ESPN: variants seen among roughly 807,000 people sequenced by gnomAD.
ESPN encodes the protein espin.
A neutral mutation model predicts 77.7 loss-of-function variants in ESPN; 68 were observed. The ratio of observed to expected loss-of-function variants is 0.87; its 90% CI spans 0.72 to 1.07. The LOEUF is 1.07. Ranked by LOEUF, ESPN falls within the 50% of genes least tolerant of loss-of-function variation. ESPN has a pLI of 0.00. For synonymous variants in ESPN, 449 were observed against 567.1 expected (o/e 0.79, Z 2.96); for missense variants, 1,060 against 1,239.0 (o/e 0.86, Z 2.17).
chr1:6,425,020 A>G lies in ESPN; in HGVS notation c.65A>G (p.His22Arg). ...GAGCTGGACGTGCTGAGGTCGCTGCACGCCGCAGGCCTCCTGGGGCCCTCG... is the reference window on the plus strand; with the variant it reads ...GAGCTGGACGTGCTGAGGTCGCTGCGCGCCGCAGGCCTCCTGGGGCCCTCG... Reference protein sequence around the residue: ...QGELDVLRSLHAAGLLGPSLR... With the variant: ...QGELDVLRSLRAAGLLGPSLR... Residue 22 changes from histidine (H) to arginine (R), a missense_variant, in exon 1 of 13, where the codon CAC becomes CGC. This residue lies in a region of ESPN where 556 missense variants were observed against 633.6 expected (regional missense o/e 0.88). Transcript: ENST00000645284. The G allele has an allele frequency of 2.0e-6, 3 of 1,468,986 alleles. No homozygotes were observed. The highest frequency in any genetic ancestry group is 2.7e-6 in the Non-Finnish European group (3 of 1,116,642). 91.0% of individuals were successfully genotyped at this position (1,468,986 alleles called of 1,614,324 possible). A position where few individuals can be genotyped will look rare whatever the true frequency, so the allele number is the denominator to read the frequency against.
chr1:6,439,454 A>T (rs1202292906), intron 2 of ESPN, among the ~76,000 whole-genome samples: 1 of 152,208 alleles, frequency 6.6e-6, no homozygotes, highest in African/African-American at 2.4e-5. Flanking sequence ...AAAATCAGTT[A>T]TGGTCAACCA....
chr1:6,459,102 A>C (rs546228277), intron 12 of ESPN, among the ~76,000 whole-genome samples: 1 of 151,020 alleles, frequency 6.6e-6, no homozygotes, highest in African/African-American at 2.4e-5. Context: ...TTAGCTGGGC[A>C]TGGTGGCACG....
chr1:6,428,910 C>T lies in ESPN; in HGVS notation c.488+491C>T, dbSNP rs1643139432. On this transcript the variant is annotated intron_variant, in intron 2 of 12. Coordinates refer to ENST00000645284, the MANE Select transcript of ESPN (RefSeq NM_031475.3). The surrounding 1 kb of genome is among the most constrained non-coding windows in gnomAD (Gnocchi z 5.4). ...AGGCCCCTCCCAGACCCCCACCCCA[C>T]CTCCTGGCCCCAGAGCCCCTGGCTG... 6.6e-6 allele frequency among the ~76,000 whole-genome samples: 1 copy of T among 152,192 alleles called. No homozygotes were observed. The highest frequency in any genetic ancestry group is 6.5e-5 in the Admixed American group (1 of 15,294).
rs1308344949 is a variant in ESPN, at chr1:6,425,056, C to T, written c.101C>T (p.Pro34Leu). 3.1e-5 allele frequency: 45 copies of T among 1,471,006 alleles called. No individual in the cohort carries two copies. The highest frequency in any genetic ancestry group is 4.0e-5 in the Non-Finnish European group (45 of 1,118,564). 91.1% of individuals were successfully genotyped at this position (1,471,006 alleles called of 1,614,324 possible). A position where few individuals can be genotyped will look rare whatever the true frequency, so the allele number is the denominator to read the frequency against. Residue 34 changes from proline (P) to leucine (L), a missense_variant, in exon 1 of 13, where the codon CCG becomes CTG. Transcript: ENST00000645284. ...CTCCTGGGGCCCTCGCTGCGCGACC[C>T]GCTGGACGCGCTGCCCGTGCACCAC... ...AGLLGPSLRD[P>L]LDALPVHHAA...
intron 2 of ESPN, among the ~76,000 whole-genome samples, chr1:6,435,855 C>A (rs973243629): frequency 1.3e-5 from 2 of 152,234 alleles, no homozygotes; most frequent in Non-Finnish European, 2.9e-5. Context: ...CAGGCCTGTG[C>A]TCAGGGCTCT....
intron 2 of ESPN, among the ~76,000 whole-genome samples, chr1:6,433,970 G>A (rs1308714141): frequency 1.3e-5 from 2 of 152,046 alleles, no homozygotes; most frequent in African/African-American, 4.8e-5. Flanking sequence ...GCAGTGGCAC[G>A]GCTCACTGCA....
rs1327786843 is a variant in ESPN, at chr1:6,430,686, G to A, written c.488+2267G>A. Among the ~76,000 whole-genome samples, 5 of 152,064 alleles carry A rather than the reference G, an allele frequency of 3.3e-5. No individual in the cohort carries two copies. In the South Asian group the frequency reaches 6.2e-4, roughly 19 times the overall value. ...CTCAGGAGGCTGAGGCAGGAGAATCGCTTGAACCCGGCAGACGGAGGTTGC... is the reference window on the plus strand; with the variant it reads ...CTCAGGAGGCTGAGGCAGGAGAATCACTTGAACCCGGCAGACGGAGGTTGC... On this transcript the variant is annotated intron_variant, in intron 2 of 12. Transcript: ENST00000645284.
chr1:6,426,814 G>C (rs541021505), intron 1 of ESPN, among the ~76,000 whole-genome samples: 1 of 152,244 alleles, frequency 6.6e-6, no homozygotes, highest in Non-Finnish European at 1.5e-5. Context: ...GGCTCGGAGG[G>C]GACAGACTGA....
Position 6,452,103 on chromosome 1 carries a change from G to A in ESPN, c.2325+7G>A. ...GGAGGAGCAGAGGCGGAAGGTGGGT[G>A]GGGCGGGGTGCCCAGGGAGCCCTGG... On this transcript the variant is annotated splice_region_variant and intron_variant, in intron 10 of 12. Coordinates refer to ENST00000645284, the MANE Select transcript of ESPN (RefSeq NM_031475.3). 6.5e-7 allele frequency: 1 copy of A among 1,534,662 alleles called. No homozygotes were observed. Among genetic ancestry groups the A allele is most frequent in the Non-Finnish European group, 8.8e-7 (1 of 1,141,262 alleles).
intron 7 of ESPN, chr1:6,448,335 G>T: frequency 3.0e-6 from 1 of 335,596 alleles, no homozygotes; most frequent in Non-Finnish European, 5.4e-6. Flanking sequence ...AGCTCCCCCT[G>T]GCGTCGGGGC....
At position 6,448,794 on chromosome 1, in the gene ESPN, A is replaced by C. The variant is rs1643895255; in HGVS notation, c.1618A>C (p.Ser540Arg). 4 of 1,362,662 alleles carry C rather than the reference A, an allele frequency of 2.9e-6. No homozygotes were observed. In the African/African-American group the frequency reaches 4.5e-5, roughly 15 times the overall value. 84.4% of individuals were successfully genotyped at this position (1,362,662 alleles called of 1,614,324 possible). A position where few individuals can be genotyped will look rare whatever the true frequency, so the allele number is the denominator to read the frequency against. Residue 540 changes from serine to arginine, a missense_variant, in exon 8 of 13, where the codon AGC (serine) becomes CGC (arginine). Around this residue, in one of 3 missense-constraint regions of ESPN, gnomAD observed 130 missense variants for 223.9 expected, o/e 0.58. Transcript: ENST00000645284. ...GGCCGCACGCCCGGGCATGGCGCACAGCGAGGAGGTGCGTGCCCGCCAGCC... is the reference window on the plus strand; with the variant it reads ...GGCCGCACGCCCGGGCATGGCGCACCGCGAGGAGGTGCGTGCCCGCCAGCC... ...TLAARPGMAH[S>R]EEVRARQPAR... is the part of the protein sequence containing the mutation.
chr1:6,459,392 C>T (rs1476900069), intron 12 of ESPN, among the ~76,000 whole-genome samples: 3 of 152,114 alleles, frequency 2.0e-5, no homozygotes, highest in African/African-American at 4.8e-5. Flanking sequence ...GGCAACAGAG[C>T]GAGACCCTGA....
At chr1:6,455,767 G>T (rs1053972465) in intron 10 of ESPN, 1 of 398,990 alleles carries the variant, frequency 2.5e-6, no homozygotes, top group Non-Finnish European at 4.4e-6. Flanking sequence ...GAGCGCATCC[G>T]CCTCTTCCAC....
intron 2 of ESPN, among the ~76,000 whole-genome samples, chr1:6,435,809 G>A (rs1643415670): frequency 6.6e-6 from 1 of 152,246 alleles, no homozygotes; most frequent in African/African-American, 2.4e-5. Flanking sequence ...TACAGGGAAG[G>A]ATCCTAAAGT....
At position 6,424,946 on chromosome 1, in the gene ESPN, A is replaced by G. The variant is rs1448113421; in HGVS notation, c.-10A>G. ...GCTGAGTGCGGAGTCGCGGCGCCGC[A>G]CGCGGCACCATGGCCCTGGAGCAGG... On this transcript the variant is annotated 5_prime_UTR_variant, in exon 1 of 13. Transcript: ENST00000645284. The G allele has an allele frequency of 7.0e-7, 1 of 1,438,556 alleles. No individual in the cohort carries two copies. The allele number at this position is 1,438,556 out of a possible 1,614,324, so 89.1% of individuals were successfully genotyped here.
At chr1:6,455,431 C>T (rs1553169952) in intron 10 of ESPN, 1 of 394,960 alleles carries the variant, frequency 2.5e-6, no homozygotes, top group Non-Finnish European at 4.5e-6. Flanking sequence ...CGGCTGCCGG[C>T]GAGCAACAGC....
At chr1:6,433,163 G>A (rs367885382) in intron 2 of ESPN, among the ~76,000 whole-genome samples, 1 of 146,956 alleles carries the variant, frequency 6.8e-6, no homozygotes, top group Non-Finnish European at 1.5e-5. Flanking sequence ...TGCAAGTCCT[G>A]GTCTGGTGCA....
At chr1:6,452,201 T>TC in intron 10 of ESPN, 105 bp downstream of exon 10, 2 of 1,288,210 alleles carry the variant, frequency 1.6e-6, no homozygotes, top group South Asian at 1.6e-5. Context: ...CCATTTTCTT[T>TC]CTTTTTTTTT....
At position 6,437,426 on chromosome 1, in the gene ESPN, C is replaced by T. The variant is rs1164452826; in HGVS notation, c.489-2828C>T. 4 of 152,272 alleles carry T rather than the reference C, an allele frequency of 2.6e-5. No homozygotes were observed. The highest frequency in any genetic ancestry group is 4.4e-5 in the Non-Finnish European group (3 of 68,080). 9.4% of individuals were successfully genotyped at this position (152,272 alleles called of 1,614,324 possible). A position where few individuals can be genotyped will look rare whatever the true frequency, so the allele number is the denominator to read the frequency against. On this transcript the variant is annotated intron_variant, in intron 2 of 12. Coordinates refer to ENST00000645284, the MANE Select transcript of ESPN (RefSeq NM_031475.3). This position sits in a 1 kb window ranked among gnomAD's most constrained non-coding sequence, Gnocchi z 4.5. ...CCCCAAGACCCCGGCACTCACTGTGCCTTGGTTACGGGGTGAATAATTTAG... is the reference window on the plus strand; with the variant it reads ...CCCCAAGACCCCGGCACTCACTGTGTCTTGGTTACGGGGTGAATAATTTAG...
Sources: allele counts gnomAD v4.1 joint callset (sites outside exome capture counted in the v4.1 genomes callset), GRCh38; gene constraint gnomAD v4.1.1; regional missense constraint gnomAD v4.1.1; non-coding constraint Gnocchi (gnomAD v3.1); transcripts MANE v1.5; gene names NCBI Gene and HGNC (gene_info 2026-07-23, HGNC 2026-07-21).